The following SLC25A26 variants were observed in gnomAD, a reference collection of about 807,000 sequenced individuals.
SLC25A26 encodes the protein mitochondrial S-adenosylmethionine carrier protein.
A neutral mutation model predicts 37.8 loss-of-function variants in SLC25A26; 36 were observed. That is an observed-to-expected ratio of 0.95 (90% CI 0.73 to 1.26). SLC25A26 has a LOEUF of 1.26. Ranked by LOEUF, SLC25A26 falls within the 50% of genes most tolerant of loss-of-function variation. The pLI, the probability that SLC25A26 is intolerant of heterozygous loss-of-function variation, is 0.00. For missense variants in SLC25A26, 390 were observed against 331.1 expected, an observed-to-expected ratio of 1.18 and a Z score of -1.38; for synonymous variants, 129 against 122.5, an observed-to-expected ratio of 1.05 and a Z score of -0.35.
intron 5 of SLC25A26, among the ~76,000 whole-genome samples, chr3:66,334,965 T>A (rs1278869737): frequency 6.6e-6 from 1 of 152,238 alleles, no homozygotes; most frequent in African/African-American, 2.4e-5. Flanking sequence ...AGATCCTACA[T>A]TCTATTTTCT....
rs775610964 is a variant in SLC25A26, at chr3:66,356,501, T to G, written c.499-6359T>G. Among the ~76,000 whole-genome samples the G allele has an allele frequency of 3.9e-4, 59 of 152,324 alleles. 1 individual carries two copies. The highest frequency in any genetic ancestry group is 8.4e-4 in the Non-Finnish European group (57 of 68,028). ...AAGCTGATGTTTAAAAATTGCTTAC[T>G]TTTAAACAATAGTTATTATGGTGAA... On this transcript the variant is annotated intron_variant, in intron 6 of 9. Transcript: ENST00000354883.
chr3:66,339,346 A>G (rs774254325), intron 5 of SLC25A26, among the ~76,000 whole-genome samples: 1 of 152,050 alleles, frequency 6.6e-6, no homozygotes, highest in Non-Finnish European at 1.5e-5. Context: ...ACATTTTGCA[A>G]ATATTCCACT....
rs576464575 is a variant in SLC25A26, at chr3:66,332,435, A to G, written c.454-13929A>G. Among the ~76,000 whole-genome samples the G allele has an allele frequency of 1.5e-4, 23 of 152,272 alleles. 1 individual carries two copies. In the South Asian group the frequency reaches 4.1e-3, roughly 27 times the overall value. ...ATAACAATTAATAGTACTCATTTAG[A>G]TTGATTGTATATAACTACCATATTT... On this transcript the variant is annotated intron_variant, in intron 5 of 9. Coordinates refer to ENST00000354883, the MANE Select transcript of SLC25A26 (RefSeq NM_001379210.1).
At chr3:66,152,436 A>C (rs967703073) in intron 1 of SLC25A26, among the ~76,000 whole-genome samples, 2 of 152,228 alleles carry the variant, frequency 1.3e-5, no homozygotes, top group African/African-American at 4.8e-5. Context: ...GGCCTGTGAC[A>C]GATTGGAATT....
chr3:66,192,806 C>CA (rs1261715821), intron 1 of SLC25A26, among the ~76,000 whole-genome samples: 17 of 152,196 alleles, frequency 1.1e-4, no homozygotes, highest in African/African-American at 4.1e-4. Flanking sequence ...AGTGGGTTAA[C>CA]AAAATATGTA....
chr3:66,174,409 A>G (rs139552339), intron 1 of SLC25A26, among the ~76,000 whole-genome samples: 127 of 152,348 alleles, frequency 8.3e-4, no homozygotes, highest in African/African-American at 3.0e-3. Flanking sequence ...GAAAAGAGAC[A>G]TTGTGCCTTA....
chr3:66,344,671 C>A (rs17044323), intron 5 of SLC25A26, among the ~76,000 whole-genome samples: 4 of 152,312 alleles, frequency 2.6e-5, no homozygotes, highest in African/African-American at 9.6e-5. Flanking sequence ...ATCGCCACCA[C>A]CAGCACTGGT....
At chr3:66,299,084 C>G (rs186031680) in intron 5 of SLC25A26, among the ~76,000 whole-genome samples, 2 of 152,008 alleles carry the variant, frequency 1.3e-5, no homozygotes, top group Non-Finnish European at 2.9e-5. Flanking sequence ...GAATACGTAC[C>G]TATGTATACA....
chr3:66,186,301 G>A (rs1458082518), intron 1 of SLC25A26, among the ~76,000 whole-genome samples: 1 of 151,690 alleles, frequency 6.6e-6, no homozygotes, highest in Admixed American at 6.6e-5. Context: ...ATCTCACTCT[G>A]ACCCTGACCC....
At chr3:66,375,184 G>C (rs1700575286) in intron 9 of SLC25A26, among the ~76,000 whole-genome samples, 1 of 152,196 alleles carries the variant, frequency 6.6e-6, no homozygotes, top group African/African-American at 2.4e-5. Context: ...TTCCCTGAAG[G>C]CTGAGAGAGG....
chr3:66,297,262 A>G (rs752401025), intron 5 of SLC25A26, among the ~76,000 whole-genome samples: 1 of 145,490 alleles, frequency 6.9e-6, no homozygotes, highest in Non-Finnish European at 1.5e-5. Context: ...CGGGAGGTGG[A>G]GGTTGCAGTG....
intron 1 of SLC25A26, among the ~76,000 whole-genome samples, chr3:66,156,287 G>A (rs1169971755): frequency 6.6e-6 from 1 of 152,222 alleles, no homozygotes; most frequent in Non-Finnish European, 1.5e-5. Context: ...GGTTACAGCA[G>A]TAACAAGGAA....
chr3:66,206,252 G>A (rs940819433), intron 1 of SLC25A26, among the ~76,000 whole-genome samples: 53 of 152,092 alleles, frequency 3.5e-4, no homozygotes, highest in Non-Finnish European at 7.2e-4. Flanking sequence ...AAGCAGATAC[G>A]GGGCAGTGTA....
At chr3:66,134,184 C>T (rs187947986) in intron 1 of SLC25A26, among the ~76,000 whole-genome samples, 76 of 152,320 alleles carry the variant, frequency 5.0e-4, no homozygotes, top group African/African-American at 1.6e-3. Context: ...TCCATTTAAA[C>T]ACAGATATCC....
chr3:66,308,468 C>T (rs937581496), intron 5 of SLC25A26, among the ~76,000 whole-genome samples: 1 of 152,192 alleles, frequency 6.6e-6, no homozygotes, highest in African/African-American at 2.4e-5. Context: ...TTGACTTCCT[C>T]TCTTCCTATT....
chr3:66,274,320 C>G (rs1305435927), intron 5 of SLC25A26, among the ~76,000 whole-genome samples: 1 of 151,804 alleles, frequency 6.6e-6, no homozygotes, highest in Non-Finnish European at 1.5e-5. Context: ...TAGGCAATAC[C>G]ATTCAGGACA....
intron 8 of SLC25A26, among the ~76,000 whole-genome samples, chr3:66,369,967 T>TA (rs1463258168): frequency 1.3e-5 from 2 of 152,144 alleles, no homozygotes; most frequent in African/African-American, 4.8e-5. Context: ...AAAATTGTTT[T>TA]AAAAAACCCT....
chr3:66,332,763 CTG>C (rs142129296), intron 5 of SLC25A26, among the ~76,000 whole-genome samples: 1,791 of 152,212 alleles, frequency 0.012, 40 homozygotes, highest in African/African-American at 0.041. Flanking sequence ...ATACATGAAA[CTG>C]TGTATCTATA....
At chr3:66,170,453 A>C (rs1198023389) in intron 1 of SLC25A26, among the ~76,000 whole-genome samples, 1 of 152,148 alleles carries the variant, frequency 6.6e-6, no homozygotes, top group African/African-American at 2.4e-5. Flanking sequence ...AGCATCATAA[A>C]ATGTCACACC....
Sources: allele counts gnomAD v4.1 joint callset (sites outside exome capture counted in the v4.1 genomes callset), GRCh38; gene constraint gnomAD v4.1.1; transcripts MANE v1.5; gene names NCBI Gene and HGNC (gene_info 2026-07-23, HGNC 2026-07-21).